MCF2L2: variants seen among roughly 807,000 people sequenced by gnomAD.
The protein encoded by MCF2L2 is MCF.2 cell line derived transforming sequence-like 2.
Under a neutral mutation model 150.2 loss-of-function variants are expected in MCF2L2, and 102 were observed. The ratio of observed to expected loss-of-function variants is 0.68; its 90% CI spans 0.58 to 0.80. The LOEUF (loss-of-function observed/expected upper bound fraction) is 0.80, where lower values mean the gene tolerates loss of function less well. Among genes scored for constraint, MCF2L2 ranks in the 30% least tolerant of loss-of-function variants. The probability of loss-of-function intolerance (pLI) is 0.00; values close to 1 mark genes in which losing one functional copy is unlikely to be tolerated. For missense variants in MCF2L2, 1,256 were observed against 1,372.8 expected (o/e 0.91, Z 1.34); for synonymous variants, 465 against 491.3 (o/e 0.95, Z 0.71).
intron 15 of MCF2L2, among the ~76,000 whole-genome samples, chr3:183,233,289 T>C (rs1018700272): frequency 4.6e-5 from 7 of 150,660 alleles, no homozygotes; most frequent in Non-Finnish European, 8.9e-5. Flanking sequence ...GAGGTGGAGA[T>C]TGCAGTGAGC....
intron 5 of MCF2L2, among the ~76,000 whole-genome samples, chr3:183,336,203 T>G (rs1023930208): frequency 6.6e-6 from 1 of 152,060 alleles, no homozygotes; most frequent in Non-Finnish European, 1.5e-5. Flanking sequence ...CATAAATATA[T>G]AACATTCTTA....
In MCF2L2 at chr3:183,179,337, G is replaced by A; in HGVS notation, c.*43C>T. The stretch of plus-strand genomic sequence containing the variant: ...CCCCCACACCGCCTCTCCCGGGAAT[G>A]CGGGCGCTCTGGAGCCGAGGAGCGG... On this transcript the variant is annotated 3_prime_UTR_variant, in exon 30 of 30. Transcript: ENST00000328913. The surrounding 1 kb of genome is among the most constrained non-coding windows in gnomAD (Gnocchi z 4.2). The A allele has an allele frequency of 7.2e-7, 1 of 1,393,414 alleles. No homozygotes were observed. The highest frequency in any genetic ancestry group is 9.3e-7 in the Non-Finnish European group (1 of 1,076,566). 86.3% of individuals were successfully genotyped at this position (1,393,414 alleles called of 1,614,324 possible).
chr3:183,361,106 A>AC (rs879735940), intron 3 of MCF2L2, among the ~76,000 whole-genome samples: 3,266 of 147,262 alleles, frequency 0.022, 296 homozygotes, highest in African/African-American at 0.078. Context: ...ACAAGACAAG[A>AC]AAAGAAAAAA....
Position 183,355,410 on chromosome 3 carries a change from G to C in MCF2L2, c.276-13780C>G, listed in dbSNP as rs865940374. Among the ~76,000 whole-genome samples the C allele has an allele frequency of 1.2e-4, 18 of 151,322 alleles. 1 individual carries two copies. The Middle Eastern group carries it at 0.01, about 86-fold the overall frequency. On this transcript the variant is annotated intron_variant, in intron 3 of 29. Transcript: ENST00000328913. ...TAGAGGGGGGCAGAAAGCAGGAATA[G>C]CAAAATAATTACTTAGCTACCATAA... is the stretch of plus-strand genomic sequence containing the variant.
intron 1 of MCF2L2, among the ~76,000 whole-genome samples, chr3:183,415,169 A>G (rs1186111564): frequency 6.6e-6 from 1 of 150,856 alleles, no homozygotes; most frequent in Non-Finnish European, 1.5e-5. Context: ...TCCAACTATT[A>G]TGTTTAATAG....
intron 3 of MCF2L2, among the ~76,000 whole-genome samples, chr3:183,343,759 G>GT (rs1165576871): frequency 2.0e-5 from 3 of 152,146 alleles, no homozygotes; most frequent in Non-Finnish European, 4.4e-5. Context: ...TATCAACTGT[G>GT]TTTTTTATTT....
rs79924098 is a variant in MCF2L2 at position 183,390,962 on chromosome 3, G to A, written c.77-1183C>T. On this transcript the variant is annotated intron_variant, in intron 1 of 29. Transcript: ENST00000328913. Reference sequence around the variant, plus strand: ...AATGAACTGGTTATTGTTTCTACAGGAGTTAAACATCTAGTTAGATTAAGG... The same window carrying A: ...AATGAACTGGTTATTGTTTCTACAGAAGTTAAACATCTAGTTAGATTAAGG... Among the ~76,000 whole-genome samples the A allele has an allele frequency of 2.9e-3, 437 of 152,284 alleles. 19 individuals carry two copies. In the East Asian group the frequency reaches 0.071, roughly 25 times the overall value.
chr3:183,425,565 A>T (rs1300842082), intron 1 of MCF2L2, among the ~76,000 whole-genome samples: 1 of 152,188 alleles, frequency 6.6e-6, no homozygotes, highest in Non-Finnish European at 1.5e-5. Flanking sequence ...CCCTCCGTGA[A>T]GGCTGAGGCT....
chr3:183,234,171 GTTAAGCATT>G (rs1371795372), intron 15 of MCF2L2, among the ~76,000 whole-genome samples: 2 of 151,956 alleles, frequency 1.3e-5, no homozygotes, highest in Non-Finnish European at 2.9e-5. Context: ...CACAGCAACA[GTTAAGCATT>G]CATGGAAAAC....
At chr3:183,269,540 C>T in intron 15 of MCF2L2, 1 of 401,586 alleles carries the variant, frequency 2.5e-6, no homozygotes, top group East Asian at 4.6e-5. Context: ...TGAGGCCGCC[C>T]ACCACGCTTC....
chr3:183,259,594 G>C (rs1270125444), intron 15 of MCF2L2, among the ~76,000 whole-genome samples: 2 of 152,080 alleles, frequency 1.3e-5, no homozygotes, highest in Non-Finnish European at 2.9e-5. Flanking sequence ...AGCTTTTCCA[G>C]GCCAGGGTGT....
chr3:183,225,937 T>C (rs146357255), intron 18 of MCF2L2: 4 of 152,340 alleles, frequency 2.6e-5, no homozygotes, highest in African/African-American at 4.8e-5. Flanking sequence ...CTGGAGGTCA[T>C]GCAGATAGCA....
intron 3 of MCF2L2, among the ~76,000 whole-genome samples, chr3:183,368,964 G>A (rs1712699822): frequency 6.6e-6 from 1 of 152,174 alleles, no homozygotes; most frequent in Admixed American, 6.5e-5. Context: ...AGGTATTTGT[G>A]CAAATGCTTA....
chr3:183,370,989 G>T (rs1037435056), intron 3 of MCF2L2, among the ~76,000 whole-genome samples: 1 of 152,124 alleles, frequency 6.6e-6, no homozygotes, highest in Non-Finnish European at 1.5e-5. Context: ...ACTCGTGACT[G>T]TACACTCTGG....
At chr3:183,315,192 G>A (rs1266007926) in intron 7 of MCF2L2, among the ~76,000 whole-genome samples, 1 of 151,632 alleles carries the variant, frequency 6.6e-6, no homozygotes, top group Non-Finnish European at 1.5e-5. Flanking sequence ...CCCCGCCTCG[G>A]CCTCCCAAAG....
At chr3:183,409,827 A>T (rs555385987) in intron 1 of MCF2L2, among the ~76,000 whole-genome samples, 1 of 152,292 alleles carries the variant, frequency 6.6e-6, no homozygotes, top group African/African-American at 2.4e-5. Context: ...AAGTGCTAGG[A>T]TTACAAGCGT....
chr3:183,424,157 T>G (rs1270154217), intron 1 of MCF2L2, among the ~76,000 whole-genome samples: 4 of 152,194 alleles, frequency 2.6e-5, no homozygotes, highest in Non-Finnish European at 5.9e-5. Flanking sequence ...ACACTGAAAT[T>G]CTGTAAACCA....
At chr3:183,394,647 T>C (rs1312436191) in intron 1 of MCF2L2, among the ~76,000 whole-genome samples, 1 of 152,230 alleles carries the variant, frequency 6.6e-6, no homozygotes, top group Non-Finnish European at 1.5e-5. Context: ...TTATCCATAA[T>C]GAATAATGAA....
chr3:183,396,959 A>C (rs1714499165), intron 1 of MCF2L2, among the ~76,000 whole-genome samples: 1 of 152,192 alleles, frequency 6.6e-6, no homozygotes, highest in Non-Finnish European at 1.5e-5. Flanking sequence ...GGGCCTCTAG[A>C]GAGTGGCCCT....
Sources: allele counts gnomAD v4.1 joint callset (sites outside exome capture counted in the v4.1 genomes callset), GRCh38; gene constraint gnomAD v4.1.1; non-coding constraint Gnocchi (gnomAD v3.1); transcripts MANE v1.5; gene names NCBI Gene and HGNC (gene_info 2026-07-23, HGNC 2026-07-21).